WDR64: variants seen among roughly 807,000 people sequenced by gnomAD.
The protein encoded by WDR64 is WD repeat domain 64.
A neutral mutation model predicts 139.3 loss-of-function variants in WDR64; 112 were observed. The observed-to-expected ratio is 0.80, with a 90% CI of 0.69 to 0.94. The LOEUF is 0.94. Among genes scored for constraint, WDR64 ranks in the 40% least tolerant of loss-of-function variants. WDR64 has a pLI of 0.00. For missense variants in WDR64, 1,206 were observed against 1,293.1 expected (o/e 0.93, Z 1.03); for synonymous variants, 444 against 437.7 (o/e 1.01, Z -0.18).
At chr1:241,755,843 G>A (rs768344842) in intron 14 of WDR64, among the ~76,000 whole-genome samples, 1 of 152,124 alleles carries the variant, frequency 6.6e-6, no homozygotes, top group Non-Finnish European at 1.5e-5. Flanking sequence ...GCTTGTTTTT[G>A]TCAGGTTTGT....
rs368840210 is a variant in WDR64 at position 241,787,984 on chromosome 1, G to A, written c.2841G>A (p.Lys947=). 175 of 1,604,520 alleles carry A rather than the reference G, an allele frequency of 1.1e-4. No individual in the cohort carries two copies. Among genetic ancestry groups the A allele is most frequent in the Non-Finnish European group, 1.4e-4 (170 of 1,177,684 alleles). The change falls in exon 24 of 28, where the codon AAG becomes AAA. Residue 947 remains lysine, a synonymous_variant. Coordinates refer to ENST00000437684, the MANE Select transcript of WDR64 (RefSeq NM_001367482.1). ...EYPIEIKEES[K]FTEKQKYEYP... ...CCATAGAAATAAAAGAAGAAAGCAAGTTCACAGAGAAGCAAAAATATGAAT... is the reference window on the plus strand; with the variant it reads ...CCATAGAAATAAAAGAAGAAAGCAAATTCACAGAGAAGCAAAAATATGAAT...
intron 23 of WDR64, among the ~76,000 whole-genome samples, chr1:241,784,907 T>TCACGC (rs1278994026): frequency 8.2e-6 from 1 of 121,848 alleles, no homozygotes; most frequent in Non-Finnish European, 1.6e-5. Context: ...TGAGCCGAGA[T>TCACGC]CACGCCACTG....
At chr1:241,740,366 G>T (rs1275725138) in intron 11 of WDR64, among the ~76,000 whole-genome samples, 1 of 152,142 alleles carries the variant, frequency 6.6e-6, no homozygotes, top group Non-Finnish European at 1.5e-5. Context: ...TGACTATCTG[G>T]TTACCATATT....
At chr1:241,672,029 G>C (rs940227148) in intron 3 of WDR64, among the ~76,000 whole-genome samples, 6 of 152,046 alleles carry the variant, frequency 3.9e-5, no homozygotes, top group Non-Finnish European at 8.8e-5. Context: ...ACAAAAATTA[G>C]CCAGCCATGG....
At chr1:241,716,155 A>G (rs1255125209) in intron 9 of WDR64, among the ~76,000 whole-genome samples, 1 of 152,142 alleles carries the variant, frequency 6.6e-6, no homozygotes, top group Non-Finnish European at 1.5e-5. Context: ...GCCAAGCACC[A>G]TTGCTAAATG....
chr1:241,728,351 A>AAG (rs1558494173), intron 10 of WDR64, among the ~76,000 whole-genome samples: 1 of 151,918 alleles, frequency 6.6e-6, no homozygotes, highest in Non-Finnish European at 1.5e-5. Flanking sequence ...AGAAGAAGAA[A>AAG]AAAAAAGCAA....
chr1:241,655,192 T>G (rs12063498), intron 1 of WDR64, among the ~76,000 whole-genome samples: 18,296 of 152,032 alleles, frequency 0.12, 2,093 homozygotes, highest in African/African-American at 0.3. Context: ...AGACCAGCCT[T>G]GCCAACATGA....
intron 8 of WDR64, among the ~76,000 whole-genome samples, chr1:241,693,878 A>T (rs762044133): frequency 1.4e-4 from 22 of 152,204 alleles, no homozygotes; most frequent in Non-Finnish European, 2.6e-4. Flanking sequence ...ATTCTTAAAA[A>T]TTTATTTTCA....
chr1:241,683,474 T>C lies in WDR64; in HGVS notation c.625-13T>C. On this transcript the variant is annotated splice_polypyrimidine_tract_variant and intron_variant, in intron 6 of 27. Coordinates refer to ENST00000437684, the MANE Select transcript of WDR64 (RefSeq NM_001367482.1). Reference sequence around the variant, plus strand: ...AAAGTAATAATTCATTAAAGTCATTTTTCTGTTTCTAGGAAAATTATTTTG... The same window carrying C: ...AAAGTAATAATTCATTAAAGTCATTCTTCTGTTTCTAGGAAAATTATTTTG... 1.9e-6 allele frequency: 3 copies of C among 1,550,688 alleles called. No homozygotes were observed. The highest frequency in any genetic ancestry group is 2.0e-5 in the Admixed American group (1 of 50,946).
intron 12 of WDR64, among the ~76,000 whole-genome samples, chr1:241,742,296 A>G (rs1161244252): frequency 6.6e-6 from 1 of 152,196 alleles, no homozygotes; most frequent in East Asian, 1.9e-4. Context: ...CAGCAACTCC[A>G]TCTTGAATGA....
chr1:241,677,267 A>C (rs1022373502), intron 4 of WDR64: 8 of 398,192 alleles, frequency 2.0e-5, no homozygotes, highest in African/African-American at 1.0e-4. Flanking sequence ...AGAGAAAGAG[A>C]AACAGAAACC....
At chr1:241,666,219 T>C (rs1010222142) in intron 2 of WDR64, among the ~76,000 whole-genome samples, 78 of 152,142 alleles carry the variant, frequency 5.1e-4, no homozygotes, top group African/African-American at 1.8e-3. Flanking sequence ...ACACTGAAAC[T>C]GAAAAGGTCG....
At chr1:241,674,267 T>C (rs1234680545) in intron 3 of WDR64, among the ~76,000 whole-genome samples, 3 of 144,186 alleles carry the variant, frequency 2.1e-5, no homozygotes, top group Non-Finnish European at 3.1e-5. Flanking sequence ...TTTTCTTTTT[T>C]TTTTTTTTTG....
At chr1:241,765,325 T>A (rs1300272092) in intron 15 of WDR64, among the ~76,000 whole-genome samples, 1 of 152,052 alleles carries the variant, frequency 6.6e-6, no homozygotes, top group African/African-American at 2.4e-5. Context: ...CTGGACTAGA[T>A]AATTAGGTCA....
intron 10 of WDR64, 142 bp downstream of exon 10, chr1:241,723,578 A>C (rs1032061279): frequency 1.2e-5 from 11 of 947,072 alleles, no homozygotes; most frequent in Non-Finnish European, 7.5e-6. Context: ...ATGGAAAAGG[A>C]AATGATAAGC....
At chr1:241,735,898 C>T (rs1669305379) in intron 10 of WDR64, among the ~76,000 whole-genome samples, 1 of 147,788 alleles carries the variant, frequency 6.8e-6, no homozygotes, top group Non-Finnish European at 1.5e-5. Context: ...TGTCTATATG[C>T]TCACTCCTTC....
At chr1:241,730,576 T>C (rs1332469729) in intron 10 of WDR64, among the ~76,000 whole-genome samples, 1 of 152,186 alleles carries the variant, frequency 6.6e-6, no homozygotes, top group African/African-American at 2.4e-5. Context: ...GGGTATTCTA[T>C]TGACATTAAC....
At chr1:241,678,470 A>C (rs1316436768) in intron 5 of WDR64, among the ~76,000 whole-genome samples, 1 of 152,182 alleles carries the variant, frequency 6.6e-6, no homozygotes, top group Non-Finnish European at 1.5e-5. Context: ...GGAAGCTTCA[A>C]TTTAAAAGCT....
chr1:241,758,199 G>T (rs992125271), intron 15 of WDR64, among the ~76,000 whole-genome samples: 1 of 151,848 alleles, frequency 6.6e-6, no homozygotes. Flanking sequence ...CTGCAATCTG[G>T]TAGTTAAATC....
Sources: gnomAD v4.1 joint callset for allele counts (sites outside exome capture counted in the v4.1 genomes callset) on GRCh38, gnomAD v4.1.1 for gene constraint, MANE v1.5 for transcripts, NCBI Gene and HGNC (gene_info 2026-07-23, HGNC 2026-07-21) for gene names.